Variants in DNAJC27 observed in about 807,000 individuals in gnomAD.
DNAJC27 encodes the protein dnaJ homolog subfamily C member 27.
A neutral mutation model predicts 31.4 loss-of-function variants in DNAJC27; 25 were observed. That is an observed-to-expected ratio of 0.80 (90% CI 0.58 to 1.11). The LOEUF is 1.11. Ranked by LOEUF, DNAJC27 falls within the 50% of genes most tolerant of loss-of-function variation. The probability of loss-of-function intolerance (pLI) is 0.00; values close to 1 mark genes in which losing one functional copy is unlikely to be tolerated. For synonymous variants in DNAJC27, 106 were observed against 112.7 expected (o/e 0.94, Z 0.37); for missense variants, 356 against 347.3 (o/e 1.02, Z -0.20).
chr2:24,954,694 G>T (rs1811421), intron 5 of DNAJC27, among the ~76,000 whole-genome samples: 137,878 of 152,210 alleles, frequency 0.91, 62,673 homozygotes, highest in African/African-American at 0.97. Context: ...TCCCAGCACT[G>T]TGGGAGGCCG....
At chr2:24,971,129 A>T (rs6749646) in intron 1 of DNAJC27, among the ~76,000 whole-genome samples, 27,027 of 152,166 alleles carry the variant, frequency 0.18, 2,595 homozygotes, top group East Asian at 0.23. Flanking sequence ...CTTGGAATTC[A>T]TAAGGGAAAA....
chr2:24,962,416 C>T (rs1332364179), intron 3 of DNAJC27, among the ~76,000 whole-genome samples: 1 of 152,036 alleles, frequency 6.6e-6, no homozygotes. Flanking sequence ...CCACCACACC[C>T]GGCTGATTTT....
At chr2:24,970,827 C>G (rs1157286212) in intron 1 of DNAJC27, among the ~76,000 whole-genome samples, 1 of 152,024 alleles carries the variant, frequency 6.6e-6, no homozygotes, top group Non-Finnish European at 1.5e-5. Context: ...GAATACTATG[C>G]TAGCACATAC....
At chr2:24,959,845 T>C (rs545336289) in intron 3 of DNAJC27, among the ~76,000 whole-genome samples, 1 of 152,362 alleles carries the variant, frequency 6.6e-6, no homozygotes, top group East Asian at 1.9e-4. Flanking sequence ...ACTTTCATAG[T>C]GCCATCACTT....
At chr2:24,972,026 C>T, upstream of DNAJC27, 1 of 688,480 alleles carries the variant, frequency 1.5e-6, no homozygotes, top group Non-Finnish European at 2.2e-6. Context: ...CTCCGCTGCT[C>T]GCCATCCCCG....
chr2:24,967,132 C>A, intron 2 of DNAJC27, 79 bp downstream of exon 2: 2 of 1,057,742 alleles, frequency 1.9e-6, no homozygotes, highest in South Asian at 2.7e-5. Flanking sequence ...TACACAAGAG[C>A]ACTGATGCAA....
Position 24,947,835 on chromosome 2 carries a change from T to C in DNAJC27, c.690-87A>G, listed in dbSNP as rs112024472. On this transcript the variant is annotated intron_variant, in intron 6 of 6. Transcript: ENST00000264711. ...CTGTTTGGACACACATAGTATCTCT[T>C]ACAGTGAACATATCCTAAATTATTA... 1,131 of 1,427,902 alleles carry C rather than the reference T, an allele frequency of 7.9e-4. 12 individuals are homozygous for C. In the African/African-American group the frequency reaches 0.014, roughly 17 times the overall value. 88.5% of individuals were successfully genotyped at this position (1,427,902 alleles called of 1,614,324 possible). A position where few individuals can be genotyped will look rare whatever the true frequency, so the allele number is the denominator to read the frequency against.
intron 1 of DNAJC27, chr2:24,969,096 T>C (rs1236246906): frequency 1.7e-5 from 3 of 177,864 alleles, no homozygotes; most frequent in Admixed American, 5.7e-5. Context: ...GAACAATAAC[T>C]ACTTCTTAAT....
intron 2 of DNAJC27, among the ~76,000 whole-genome samples, chr2:24,964,741 GT>G (rs1177255606): frequency 1.3e-5 from 2 of 152,156 alleles, no homozygotes; most frequent in Non-Finnish European, 2.9e-5. Flanking sequence ...AAAATAGTCT[GT>G]TGACTATACC....
At chr2:24,964,933 C>T (rs751579819) in intron 2 of DNAJC27, among the ~76,000 whole-genome samples, 4 of 152,124 alleles carry the variant, frequency 2.6e-5, no homozygotes, top group South Asian at 2.1e-4. Context: ...TCAGGCTGGA[C>T]GCGGTGGCTC....
Position 24,946,914 on chromosome 2 carries a change from C to G in DNAJC27, c.*702G>C, listed in dbSNP as rs1400463517. On this transcript the variant is annotated 3_prime_UTR_variant, in exon 7 of 7. Transcript: ENST00000264711. The stretch of plus-strand genomic sequence containing the variant: ...CTATGGCAAGGGAAAGGCCTCAGAT[C>G]CAGGGACAGGATAGGCAGCAGCCAG... 6.6e-6 allele frequency: 1 copy of G among 152,240 alleles called. No homozygotes were observed. The highest frequency in any genetic ancestry group is 1.5e-5 in the Non-Finnish European group (1 of 68,088). The allele number at this position is 152,240 out of a possible 1,614,324, so 9.4% of individuals were successfully genotyped here.
At chr2:24,963,504 A>G in intron 2 of DNAJC27, 30 bp from the exon 3 acceptor site, 1 of 1,579,360 alleles carries the variant, frequency 6.3e-7, no homozygotes, top group South Asian at 1.1e-5. Flanking sequence ...ACAATCCGAA[A>G]GAAAGTCATG....
At chr2:24,963,936 G>T (rs1666112449) in intron 2 of DNAJC27, among the ~76,000 whole-genome samples, 1 of 152,204 alleles carries the variant, frequency 6.6e-6, no homozygotes, top group Admixed American at 6.5e-5. Context: ...TAATTTTCTT[G>T]TGATCTTTAT....
At chr2:24,961,741 G>A (rs779522453) in intron 3 of DNAJC27, among the ~76,000 whole-genome samples, 2 of 152,164 alleles carry the variant, frequency 1.3e-5, no homozygotes, top group Non-Finnish European at 2.9e-5. Flanking sequence ...GCCTGAAGAT[G>A]TGACTGAATT....
At chr2:24,953,848 T>C (rs1384527105) in intron 5 of DNAJC27, among the ~76,000 whole-genome samples, 3 of 152,186 alleles carry the variant, frequency 2.0e-5, no homozygotes, top group Admixed American at 2.0e-4. Context: ...CAAAGCCTGT[T>C]TAAATTTCAT....
chr2:24,947,837 C>G, intron 6 of DNAJC27, 89 bp from the exon 7 acceptor site: 1 of 1,415,808 alleles, frequency 7.1e-7, no homozygotes, highest in Non-Finnish European at 9.5e-7. Flanking sequence ...GTATCTCTTA[C>G]AGTGAACATA....
At chr2:24,947,875 C>T in intron 6 of DNAJC27, 127 bp from the exon 7 acceptor site, 1 of 1,126,334 alleles carries the variant, frequency 8.9e-7, no homozygotes, top group East Asian at 2.5e-5. Context: ...TTCTCAAAGG[C>T]AGGATTAAAG....
chr2:24,952,108 T>C (rs1665791164), intron 5 of DNAJC27, among the ~76,000 whole-genome samples: 1 of 152,152 alleles, frequency 6.6e-6, no homozygotes, highest in Admixed American at 6.5e-5. Flanking sequence ...AGCCAGACCC[T>C]GTCTCAAAAA....
At chr2:24,968,280 T>C (rs983378640) in intron 1 of DNAJC27, among the ~76,000 whole-genome samples, 35 of 152,206 alleles carry the variant, frequency 2.3e-4, no homozygotes, top group Non-Finnish European at 4.0e-4. Context: ...CATTGCTTGC[T>C]AGTTACTTTG....
Sources: allele counts gnomAD v4.1 joint callset (sites outside exome capture counted in the v4.1 genomes callset), GRCh38; gene constraint gnomAD v4.1.1; transcripts MANE v1.5; gene names NCBI Gene and HGNC (gene_info 2026-07-23, HGNC 2026-07-21).